Variants in LUZP2 observed in about 807,000 individuals in gnomAD.
LUZP2 encodes the protein leucine zipper protein 2.
LUZP2 carries 52 observed loss-of-function variants against 51.6 expected under a neutral mutation model. That is an observed-to-expected ratio of 1.01 (90% CI 0.81 to 1.27). The LOEUF is 1.27. Among genes scored for constraint, LUZP2 ranks in the 50% most tolerant of loss-of-function variants. The probability of loss-of-function intolerance (pLI) is 0.00; values close to 1 mark genes in which losing one functional copy is unlikely to be tolerated. For synonymous variants in LUZP2, 154 were observed against 137.3 expected (o/e 1.12, Z -0.85); for missense variants, 436 against 395.4 (o/e 1.10, Z -0.87).
At chr11:25,035,482 A>G (rs769115549) in intron 9 of LUZP2, among the ~76,000 whole-genome samples, 1 of 152,082 alleles carries the variant, frequency 6.6e-6, no homozygotes, top group African/African-American at 2.4e-5. Context: ...CTAACCAAGG[A>G]GGTGAAGTAT....
At chr11:24,789,569 A>C (rs1037176273) in intron 5 of LUZP2, among the ~76,000 whole-genome samples, 1 of 152,192 alleles carries the variant, frequency 6.6e-6, no homozygotes, top group African/African-American at 2.4e-5. Flanking sequence ...CACATCTACC[A>C]ATCTATCAGC....
chr11:24,799,553 T>C (rs2134112603), intron 5 of LUZP2, among the ~76,000 whole-genome samples: 1 of 150,536 alleles, frequency 6.6e-6, no homozygotes, highest in African/African-American at 2.4e-5. Context: ...ACCACACCAT[T>C]GCACTCCAGC....
chr11:24,587,311 A>G (rs1042624114), intron 1 of LUZP2, among the ~76,000 whole-genome samples: 18 of 152,168 alleles, frequency 1.2e-4, no homozygotes, highest in African/African-American at 4.1e-4. Context: ...ACAAAGGAGA[A>G]TACAGTGATG....
intron 3 of LUZP2, among the ~76,000 whole-genome samples, chr11:24,734,269 T>G (rs1375696458): frequency 6.6e-6 from 1 of 151,628 alleles, no homozygotes; most frequent in Non-Finnish European, 1.5e-5. Flanking sequence ...AGGAGACGGC[T>G]TATGCATGAT....
chr11:24,534,673 A>G (rs1269560327), intron 1 of LUZP2, among the ~76,000 whole-genome samples: 2 of 151,470 alleles, frequency 1.3e-5, no homozygotes, highest in African/African-American at 4.8e-5. Context: ...GATTCCACCT[A>G]TAAATTCCTT....
intron 1 of LUZP2, among the ~76,000 whole-genome samples, chr11:24,594,487 G>C (rs1249884995): frequency 6.6e-6 from 1 of 152,192 alleles, no homozygotes; most frequent in South Asian, 2.1e-4. Context: ...GTTATTCAGG[G>C]ATCGATACTT....
chr11:24,997,587 G>T (rs1856546619), intron 9 of LUZP2, among the ~76,000 whole-genome samples: 1 of 152,218 alleles, frequency 6.6e-6, no homozygotes, highest in South Asian at 2.1e-4. Context: ...CACTCTGATG[G>T]TAGTTTCTTT....
chr11:24,638,317 G>C (rs1855171250), intron 1 of LUZP2, among the ~76,000 whole-genome samples: 1 of 151,434 alleles, frequency 6.6e-6, no homozygotes. Context: ...TCCCCAAATA[G>C]AAATTATACT....
At chr11:24,766,745 A>T (rs1590480778) in intron 5 of LUZP2, among the ~76,000 whole-genome samples, 1 of 152,208 alleles carries the variant, frequency 6.6e-6, no homozygotes, top group Admixed American at 6.5e-5. Context: ...TGCTAAAAAA[A>T]ATTGTATTTA....
At chr11:25,012,964 T>A (rs1025969493) in intron 9 of LUZP2, among the ~76,000 whole-genome samples, 8 of 152,176 alleles carry the variant, frequency 5.3e-5, no homozygotes, top group Non-Finnish European at 1.2e-4. Flanking sequence ...ATATATGGAA[T>A]CAACCTAAGT....
At chr11:24,726,673 A>T (rs1375336994) in intron 1 of LUZP2, among the ~76,000 whole-genome samples, 1 of 152,070 alleles carries the variant, frequency 6.6e-6, no homozygotes, top group East Asian at 1.9e-4. Flanking sequence ...AATTGGAAAC[A>T]CCGTAAATTA....
At chr11:24,774,573 A>C (rs1299769112) in intron 5 of LUZP2, among the ~76,000 whole-genome samples, 3 of 19,084 alleles carry the variant, frequency 1.6e-4, no homozygotes, top group African/African-American at 6.6e-4. Flanking sequence ...ATATATGTAG[A>C]ATATATATAA....
intron 5 of LUZP2, among the ~76,000 whole-genome samples, chr11:24,776,379 T>C (rs1278635384): frequency 6.6e-6 from 1 of 152,114 alleles, no homozygotes; most frequent in Non-Finnish European, 1.5e-5. Context: ...GGCAGTTTAA[T>C]TGCTAAGCCT....
At position 24,727,758 on chromosome 11, in the gene LUZP2, G is replaced by A. The variant is rs563156450; in HGVS notation, c.63-1411G>A. ...CATCAGTGAAATTCACAAGGCCAGCGAGAATATTGTGGTTCTTAGCAATGG... is the reference window on the plus strand; with the variant it reads ...CATCAGTGAAATTCACAAGGCCAGCAAGAATATTGTGGTTCTTAGCAATGG... On this transcript the variant is annotated intron_variant, in intron 1 of 11. Transcript: ENST00000336930. Among the ~76,000 whole-genome samples, 14 of 152,044 alleles carry A rather than the reference G, an allele frequency of 9.2e-5. No individual in the cohort carries two copies. The East Asian group carries it at 1.9e-3, about 21-fold the overall frequency.
chr11:25,022,616 A>G (rs544852678), intron 9 of LUZP2, among the ~76,000 whole-genome samples: 72 of 152,204 alleles, frequency 4.7e-4, no homozygotes, highest in South Asian at 6.2e-4. Context: ...CATTTTAAAA[A>G]CTATTATTAT....
intron 5 of LUZP2, among the ~76,000 whole-genome samples, chr11:24,905,647 C>G (rs1308944630): frequency 6.6e-6 from 1 of 152,154 alleles, no homozygotes; most frequent in Non-Finnish European, 1.5e-5. Context: ...GGAAAGTTCT[C>G]CAGTATAGAC....
chr11:24,999,792 G>C (rs879470365), intron 9 of LUZP2, among the ~76,000 whole-genome samples: 11 of 152,162 alleles, frequency 7.2e-5, no homozygotes, highest in Non-Finnish European at 1.3e-4. Context: ...GTTCCTTCTG[G>C]TGGGTTGTTG....
chr11:25,039,041 T>A (rs1316502580), intron 9 of LUZP2, among the ~76,000 whole-genome samples: 2 of 152,218 alleles, frequency 1.3e-5, no homozygotes, highest in African/African-American at 2.4e-5. Flanking sequence ...TTCTGTGGTG[T>A]AAATAGGAGA....
At chr11:24,876,100 G>T (rs77584951) in intron 5 of LUZP2, among the ~76,000 whole-genome samples, 79,980 of 150,520 alleles carry the variant, frequency 0.53, 21,587 homozygotes, top group East Asian at 0.75. Flanking sequence ...AGAAGCTCTT[G>T]AGTTTAATTA....
Sources: gnomAD v4.1 joint callset for allele counts (sites outside exome capture counted in the v4.1 genomes callset) on GRCh38, gnomAD v4.1.1 for gene constraint, MANE v1.5 for transcripts, NCBI Gene and HGNC (gene_info 2026-07-23, HGNC 2026-07-21) for gene names.